The following GRIA1 variants were observed in gnomAD, a reference collection of about 807,000 sequenced individuals.
GRIA1 encodes the protein glutamate ionotropic receptor AMPA type subunit 1.
Under a neutral mutation model 99.2 loss-of-function variants are expected in GRIA1, and 31 were observed. The ratio of observed to expected loss-of-function variants is 0.31; its 90% confidence interval spans 0.23 to 0.42. GRIA1 has a LOEUF of 0.42. Ranked by LOEUF, GRIA1 falls within the 10% of genes least tolerant of loss-of-function variation. The probability of loss-of-function intolerance (pLI) is 1.00; values close to 1 mark genes in which losing one functional copy is unlikely to be tolerated. For synonymous variants in GRIA1, 438 were observed against 432.4 expected (o/e 1.01, Z -0.16); for missense variants, 782 against 1,157.5 (o/e 0.68, Z 4.71).
chr5:153,706,168 T>A (rs1471225029), intron 11 of GRIA1, 101 bp downstream of exon 11: 2 of 1,125,894 alleles, frequency 1.8e-6, no homozygotes, highest in South Asian at 2.8e-5. Flanking sequence ...GATGAATTAT[T>A]TCAGACCACT....
At chr5:153,624,430 C>A (rs868740786) in intron 2 of GRIA1, among the ~76,000 whole-genome samples, 3 of 152,170 alleles carry the variant, frequency 2.0e-5, no homozygotes, top group Non-Finnish European at 4.4e-5. Flanking sequence ...ATCACCCCAC[C>A]CACCTGCAGC....
intron 2 of GRIA1, among the ~76,000 whole-genome samples, chr5:153,599,490 G>A (rs1362968198): frequency 2.0e-5 from 3 of 152,088 alleles, no homozygotes; most frequent in Non-Finnish European, 2.9e-5. Context: ...ATAACATGGC[G>A]TGGTGTTTGC....
chr5:153,689,004 G>A (rs533295012), intron 8 of GRIA1, among the ~76,000 whole-genome samples: 4 of 152,202 alleles, frequency 2.6e-5, no homozygotes, highest in Admixed American at 6.5e-5. Context: ...ACAGGTATGA[G>A]CCACCGCCCC....
intron 2 of GRIA1, among the ~76,000 whole-genome samples, chr5:153,624,370 G>A (rs1037555454): frequency 1.3e-5 from 2 of 152,086 alleles, no homozygotes; most frequent in African/African-American, 2.4e-5. Flanking sequence ...TGAGTATATG[G>A]GCCTCAGCAG....
intron 2 of GRIA1, among the ~76,000 whole-genome samples, chr5:153,630,419 A>G (rs1752861610): frequency 6.6e-6 from 1 of 152,198 alleles, no homozygotes; most frequent in African/African-American, 2.4e-5. Flanking sequence ...GGCTGTTGCT[A>G]TGCTGTGGGC....
At chr5:153,774,120 CT>C (rs1346764702) in intron 13 of GRIA1, among the ~76,000 whole-genome samples, 1 of 131,228 alleles carries the variant, frequency 7.6e-6, no homozygotes, top group African/African-American at 2.8e-5. Context: ...CATTATAACT[CT>C]TTTTCACACC....
At chr5:153,649,119 G>T (rs1218279288) in intron 3 of GRIA1, among the ~76,000 whole-genome samples, 3 of 152,160 alleles carry the variant, frequency 2.0e-5, no homozygotes, top group Non-Finnish European at 4.4e-5. Context: ...GCCAAGAAAT[G>T]CAGGTAGCCT....
intron 8 of GRIA1, among the ~76,000 whole-genome samples, chr5:153,690,225 A>G (rs868591935): frequency 6.6e-6 from 1 of 151,914 alleles, no homozygotes; most frequent in Non-Finnish European, 1.5e-5. Context: ...GGCAACTACT[A>G]AGGAAAGAAG....
intron 2 of GRIA1, among the ~76,000 whole-genome samples, chr5:153,540,141 C>T (rs183222127): frequency 2.6e-4 from 39 of 152,310 alleles, no homozygotes; most frequent in Admixed American, 7.2e-4. Flanking sequence ...CACGTGGAGA[C>T]GAGCCAGAGC....
chr5:153,638,596 A>C (rs904651955), intron 2 of GRIA1, among the ~76,000 whole-genome samples: 1 of 152,232 alleles, frequency 6.6e-6, no homozygotes, highest in African/African-American at 2.4e-5. Context: ...AAATGGCTGG[A>C]GCAATGGTGA....
intron 5 of GRIA1, among the ~76,000 whole-genome samples, chr5:153,657,110 A>G (rs1008273502): frequency 5.3e-4 from 80 of 152,286 alleles, no homozygotes; most frequent in African/African-American, 1.9e-3. Flanking sequence ...TTTTCAGTTC[A>G]TGCACATTTG....
Position 153,686,346 on chromosome 5 carries a change from C to G in GRIA1, c.1134+17C>G. The G allele has an allele frequency of 6.3e-7, 1 of 1,583,824 alleles. No homozygotes were observed. The highest frequency in any genetic ancestry group is 2.2e-5 in the East Asian group (1 of 44,664). ...ATCCGAAAGGTAAGGTCCCCCTTTA[C>G]TTCTGTTCTGCAGAGAGAAGAGGCT... On this transcript the variant is annotated intron_variant, in intron 8 of 15. Coordinates refer to ENST00000285900, the MANE Select transcript of GRIA1 (RefSeq NM_000827.4).
chr5:153,570,291 T>G (rs1365242556), intron 2 of GRIA1, among the ~76,000 whole-genome samples: 1 of 152,136 alleles, frequency 6.6e-6, no homozygotes, highest in Non-Finnish European at 1.5e-5. Flanking sequence ...ATAATAAACC[T>G]ATTTAGATGC....
At chr5:153,763,105 ACATAGCAAGCAAT>A (rs1763290504) in intron 11 of GRIA1, among the ~76,000 whole-genome samples, 4 of 152,130 alleles carry the variant, frequency 2.6e-5, no homozygotes, top group African/African-American at 9.7e-5. Context: ...ATTCTTTTCC[ACATAGCAAGCAAT>A]GACATATATT....
At chr5:153,736,874 T>G (rs1480904167) in intron 11 of GRIA1, among the ~76,000 whole-genome samples, 1 of 152,164 alleles carries the variant, frequency 6.6e-6, no homozygotes, top group African/African-American at 2.4e-5. Context: ...CATAAAATAC[T>G]CAATTTGGTT....
In GRIA1 at chr5:153,794,487, GC is replaced by G. The variant is rs1765514637; in HGVS notation, c.2271-133del. On this transcript the variant is annotated intron_variant, in intron 13 of 15. Transcript: ENST00000285900. ...CCCAATTCCTGCAGTGATGTTGGGG[GC>G]AGGGCATCCTCAGGTCAAAGGGCAA... 3 of 671,454 alleles carry G rather than the reference GC, an allele frequency of 4.5e-6. No homozygotes were observed. The African/African-American group carries it at 5.3e-5, about 12-fold the overall frequency. The allele number at this position is 671,454 out of a possible 1,614,324, so 41.6% of individuals were successfully genotyped here. A position where few individuals can be genotyped will look rare whatever the true frequency, so the allele number is the denominator to read the frequency against.
chr5:153,699,469 T>G (rs1758355970), intron 10 of GRIA1, among the ~76,000 whole-genome samples: 1 of 152,194 alleles, frequency 6.6e-6, no homozygotes, highest in Admixed American at 6.5e-5. Flanking sequence ...CCTCTCTAGT[T>G]TCATGCTCTC....
chr5:153,630,027 C>G (rs1277745333), intron 2 of GRIA1, among the ~76,000 whole-genome samples: 1 of 152,266 alleles, frequency 6.6e-6, no homozygotes, highest in African/African-American at 2.4e-5. Flanking sequence ...ATCAGACATA[C>G]AGGGGTTTGA....
At chr5:153,683,443 C>T (rs1473370320) in intron 7 of GRIA1, among the ~76,000 whole-genome samples, 1 of 152,136 alleles carries the variant, frequency 6.6e-6, no homozygotes, top group Admixed American at 6.6e-5. Context: ...CTCTGAGTCT[C>T]AATAATCTCA....
Sources: allele counts gnomAD v4.1 joint callset (sites outside exome capture counted in the v4.1 genomes callset), GRCh38; gene constraint gnomAD v4.1.1; transcripts MANE v1.5; gene names NCBI Gene and HGNC (gene_info 2026-07-23, HGNC 2026-07-21).